ANKS1B: variants seen among roughly 807,000 people sequenced by gnomAD.
The protein encoded by ANKS1B is ankyrin repeat and sterile alpha motif domain containing 1B, also known as ankyrin repeat and sterile alpha motif domain-containing protein 1B.
Under a neutral mutation model 148.3 loss-of-function variants are expected in ANKS1B, and 36 were observed. That is an observed-to-expected ratio of 0.24 (90% CI 0.19 to 0.32). The LOEUF is 0.32. ANKS1B is among the 10% of genes least tolerant of loss of function. The pLI, the probability that ANKS1B is intolerant of heterozygous loss-of-function variation, is 1.00. For missense variants in ANKS1B, 1,157 were observed against 1,542.6 expected (o/e 0.75, Z 4.19); for synonymous variants, 542 against 560.8 (o/e 0.97, Z 0.47).
intron 8 of ANKS1B, among the ~76,000 whole-genome samples, chr12:99,735,416 TTA>T (rs2059521900): frequency 2.0e-5 from 3 of 151,690 alleles, no homozygotes; most frequent in Admixed American, 6.6e-5. Context: ...AAATCAGAAA[TTA>T]AGAAATGGAA....
intron 17 of ANKS1B, among the ~76,000 whole-genome samples, chr12:98,842,608 A>C (rs890135331): frequency 3.9e-5 from 6 of 152,196 alleles, no homozygotes; most frequent in African/African-American, 1.4e-4. Context: ...TTTTTGAAAA[A>C]AGAATAATGC....
intron 17 of ANKS1B, among the ~76,000 whole-genome samples, chr12:98,880,829 G>A (rs757948291): frequency 7.2e-5 from 11 of 151,894 alleles, no homozygotes. Flanking sequence ...AACAAGATGG[G>A]TAGGTTCCTA....
rs530414879 is a variant in ANKS1B, at chr12:99,789,955, A to T, written c.670-7858T>A. On this transcript the variant is annotated intron_variant, in intron 4 of 26. Transcript: ENST00000683438. ...AGGGGTAGAAGGTTTATTCAAAGTGATAATATTGGAGAACTTCCCAAACCC... is the reference window on the plus strand; with the variant it reads ...AGGGGTAGAAGGTTTATTCAAAGTGTTAATATTGGAGAACTTCCCAAACCC... Among the ~76,000 whole-genome samples, 16 of 152,284 alleles carry T rather than the reference A, an allele frequency of 1.1e-4. No individual in the cohort carries two copies. In the South Asian group the frequency reaches 3.3e-3, roughly 32 times the overall value.
rs111965287 is a variant in ANKS1B, at chr12:99,700,601, C to G, written c.1129-45391G>C. ...AACCTCAGCACATAATATTTTTTTT[C>G]TTTATTGAGAACTTTCACCTTTTCA... On this transcript the variant is annotated intron_variant, in intron 8 of 26. Transcript: ENST00000683438. Among the ~76,000 whole-genome samples, 204 of 151,954 alleles carry G rather than the reference C, an allele frequency of 1.3e-3. 4 individuals carry two copies. The highest frequency in any genetic ancestry group is 3.4e-3 in the Middle Eastern group (1 of 294).
chr12:98,785,171 TA>T (rs1429457213), intron 22 of ANKS1B, among the ~76,000 whole-genome samples: 5 of 152,182 alleles, frequency 3.3e-5, no homozygotes, highest in Admixed American at 2.6e-4. Context: ...TGAAAATGCA[TA>T]GAAAGAAGGC....
intron 25 of ANKS1B, among the ~76,000 whole-genome samples, chr12:98,763,476 T>C (rs2098439751): frequency 6.6e-6 from 1 of 152,234 alleles, no homozygotes; most frequent in African/African-American, 2.4e-5. Flanking sequence ...TCTTTAGGGC[T>C]AATTTTGGCT....
rs745612836 is a variant in ANKS1B at position 98,829,323 on chromosome 12, A to G, written c.2917T>C (p.Leu973=). 6.2e-7 allele frequency: 1 copy of G among 1,613,984 alleles called. No homozygotes were observed. The highest frequency in any genetic ancestry group is 8.5e-7 in the Non-Finnish European group (1 of 1,179,862). The change falls in exon 19 of 27, where the codon TTG becomes CTG. Residue 973 remains leucine (L), a synonymous_variant. Coordinates refer to ENST00000683438, the MANE Select transcript of ANKS1B (RefSeq NM_001352186.2). The surrounding 1 kb of genome is among the most constrained non-coding windows in gnomAD (Gnocchi z 5.2). The part of the protein sequence containing the change: ...EPSGNHTPPQ[L]SPSLSQSTYT... ...GTGCTTTGGCTAAGTGATGGAGACA[A>G]CTGAGGAGGAGTGTGATTACCACTG...
chr12:99,409,823 T>G (rs1013835473), intron 11 of ANKS1B, among the ~76,000 whole-genome samples: 2 of 152,210 alleles, frequency 1.3e-5, no homozygotes, highest in Non-Finnish European at 2.9e-5. Context: ...CAAATAGAAT[T>G]GCACTCAGCC....
intron 14 of ANKS1B, among the ~76,000 whole-genome samples, chr12:99,235,606 T>C (rs1471132858): frequency 2.0e-5 from 3 of 152,230 alleles, no homozygotes; most frequent in African/African-American, 7.2e-5. Context: ...CCTCAGTGTT[T>C]GTCAGCATTT....
chr12:99,452,978 C>T (rs375969971), intron 10 of ANKS1B, among the ~76,000 whole-genome samples: 113 of 152,258 alleles, frequency 7.4e-4, no homozygotes, highest in African/African-American at 2.6e-3. Context: ...GAGTTGAACT[C>T]GTTGAATTGC....
intron 12 of ANKS1B, among the ~76,000 whole-genome samples, chr12:99,281,230 C>T (rs1055971866): frequency 1.2e-4 from 19 of 152,070 alleles, no homozygotes; most frequent in African/African-American, 3.4e-4. Flanking sequence ...TCAGAGTATG[C>T]GGTTTATGTA....
At chr12:99,625,702 A>C (rs754225811) in intron 9 of ANKS1B, among the ~76,000 whole-genome samples, 1 of 152,168 alleles carries the variant, frequency 6.6e-6, no homozygotes, top group Non-Finnish European at 1.5e-5. Context: ...AGCTGGTGTA[A>C]CTTAATATAT....
intron 9 of ANKS1B, among the ~76,000 whole-genome samples, chr12:99,602,758 G>T (rs910105486): frequency 6.6e-6 from 1 of 151,980 alleles, no homozygotes; most frequent in African/African-American, 2.4e-5. Context: ...CCAGAAGGGT[G>T]GGAGAAAAAT....
Position 99,735,807 on chromosome 12 carries a change from C to CAAAAAA in ANKS1B, c.1128+37109_1128+37114dup, listed in dbSNP as rs376398944. 1.8e-3 allele frequency among the ~76,000 whole-genome samples: 194 copies of CAAAAAA among 108,898 alleles called. 6 individuals carry two copies. The highest frequency in any genetic ancestry group is 4.0e-3 in the African/African-American group (116 of 28,848). 71.4% of individuals were successfully genotyped at this position (108,898 alleles called of 152,430 possible). A position where few individuals can be genotyped will look rare whatever the true frequency, so the allele number is the denominator to read the frequency against. The stretch of plus-strand genomic sequence containing the variant: ...ACTAAAGCCAGACAAGGACATATAC[C>CAAAAAA]AAAAAAAAAAAAAAAAAGAATATCC... On this transcript the variant is annotated intron_variant, in intron 8 of 26. Transcript: ENST00000683438.
At chr12:99,450,376 G>A (rs968339479) in intron 10 of ANKS1B, among the ~76,000 whole-genome samples, 1 of 152,172 alleles carries the variant, frequency 6.6e-6, no homozygotes, top group African/African-American at 2.4e-5. Context: ...AGCCAAATGT[G>A]TGGGCATCTC....
At chr12:99,451,250 T>C (rs992682628) in intron 10 of ANKS1B, among the ~76,000 whole-genome samples, 1 of 152,218 alleles carries the variant, frequency 6.6e-6, no homozygotes, top group Non-Finnish European at 1.5e-5. Context: ...AAAATACTTA[T>C]AGTTTATTTT....
intron 12 of ANKS1B, among the ~76,000 whole-genome samples, chr12:99,357,598 T>C (rs1362562912): frequency 6.6e-6 from 1 of 152,192 alleles, no homozygotes; most frequent in Non-Finnish European, 1.5e-5. Flanking sequence ...ATACTCATCA[T>C]CTGTTTATGT....
chr12:99,077,246 C>T (rs187622387), intron 16 of ANKS1B, among the ~76,000 whole-genome samples: 29 of 152,218 alleles, frequency 1.9e-4, no homozygotes, highest in Admixed American at 1.4e-3. Flanking sequence ...TAACAGTGCA[C>T]GTATGTGGGT....
chr12:98,997,808 C>T (rs1313904345), intron 17 of ANKS1B, among the ~76,000 whole-genome samples: 1 of 152,112 alleles, frequency 6.6e-6, no homozygotes, highest in East Asian at 1.9e-4. Context: ...GTTCAATCTT[C>T]GGACACTTAA....
Sources: gnomAD v4.1 joint callset for allele counts (sites outside exome capture counted in the v4.1 genomes callset) on GRCh38, gnomAD v4.1.1 for gene constraint, Gnocchi (gnomAD v3.1) non-coding constraint, MANE v1.5 for transcripts, NCBI Gene and HGNC (gene_info 2026-07-23, HGNC 2026-07-21) for gene names.